The following CHD8 variants were observed in gnomAD, a reference collection of about 807,000 sequenced individuals.
CHD8 encodes the protein ATP-dependent chromatin remodeler CHD8.
In CHD8, 31 loss-of-function variants were observed where a neutral mutation model predicts 279.2. That is an observed-to-expected ratio of 0.11 (90% CI 0.08 to 0.15). The LOEUF (loss-of-function observed/expected upper bound fraction) is 0.15. Ranked by LOEUF, CHD8 falls within the 10% of genes least tolerant of loss-of-function variation. The pLI is 1.00. For missense variants in CHD8, 2,146 were observed against 3,230.5 expected (o/e 0.66, Z 8.14); for synonymous variants, 1,081 against 1,139.6 (o/e 0.95, Z 1.04).
chr14:21,400,398 A>G lies in CHD8; in HGVS notation c.4570+15T>C. On this transcript the variant is annotated intron_variant, in intron 23 of 37. Transcript: ENST00000646647. This position sits in a 1 kb window ranked among gnomAD's most constrained non-coding sequence, Gnocchi z 4.2. ...TAACCTATAGAAAAACATAAAGTAA[A>G]GAGTTGATAATTACCTGAATGATTC... 6.3e-7 allele frequency: 1 copy of G among 1,598,640 alleles called. No homozygotes were observed.
rs767254646 is a variant in CHD8, at chr14:21,394,391, A to C, written c.5485T>G (p.Phe1829Val). The part of the protein sequence containing the change: ...PDTMQFHWDR[F>V]RTFARLDKKT... ...TTGTCTAGTCGAGCAAAAGTGCGGA[A>C]GCGATCCCAATGGAACTGCATGGTG... is the stretch of plus-strand genomic sequence containing the variant. The change falls in exon 31 of 38, where the codon TTC becomes GTC. Residue 1829 changes from phenylalanine to valine, a missense_variant. Physicochemically the swap from Phe to Val is conservative, Grantham distance 50. Transcript: ENST00000646647. 7.4e-6 allele frequency: 12 copies of C among 1,613,972 alleles called. No homozygotes were observed. Among genetic ancestry groups the C allele is most frequent in the Non-Finnish European group, 1.0e-5 (12 of 1,179,868 alleles).
chr14:21,386,042 C>A lies in CHD8; in HGVS notation c.7317G>T (p.Gly2439=). The change falls in exon 38 of 38, where the codon GGG becomes GGT. Residue 2439 remains glycine, a synonymous_variant. Transcript: ENST00000646647. Reference sequence around the variant, plus strand: ...GGAACGTGTTATGCAGAGATAGAGACCCAGTGCTTCCACCCTGCATGAGGG... The same window carrying A: ...GGAACGTGTTATGCAGAGATAGAGAACCAGTGCTTCCACCCTGCATGAGGG... The part of the protein sequence containing the change: ...MMALMQGGST[G]SLSLHNTFQH... 1 of 1,595,110 alleles carries A rather than the reference C, an allele frequency of 6.3e-7. No homozygotes were observed. The highest frequency in any genetic ancestry group is 8.5e-7 in the Non-Finnish European group (1 of 1,170,518).
intron 1 of CHD8, chr14:21,455,044 G>T (rs1890351609): frequency 6.6e-6 from 1 of 152,244 alleles, no homozygotes; most frequent in Non-Finnish European, 1.5e-5. Context: ...GAAAAGCATG[G>T]AGATGAAACG....
intron 5 of CHD8, among the ~76,000 whole-genome samples, chr14:21,417,794 C>A (rs949906236): frequency 6.8e-6 from 1 of 147,430 alleles, no homozygotes; most frequent in Non-Finnish European, 1.5e-5. Context: ...GTGGAGCTTG[C>A]AGTGAGCCGA....
rs1888084099 is a variant in CHD8, at chr14:21,402,568, C to T, written c.3715-65G>A. On this transcript the variant is annotated intron_variant, in intron 18 of 37. Coordinates refer to ENST00000646647, the MANE Select transcript of CHD8 (RefSeq NM_001170629.2). The surrounding 1 kb of genome is among the most constrained non-coding windows in gnomAD (Gnocchi z 4.5). ...CATAAAATTAGCAAGGGAAAGGATA[C>T]AAAATACCAATTTATGATTCTTTCA... 9 of 1,417,158 alleles carry T rather than the reference C, an allele frequency of 6.4e-6. No individual in the cohort carries two copies. Among genetic ancestry groups the T allele is most frequent in the Non-Finnish European group, 8.5e-6 (9 of 1,055,644 alleles). The allele number at this position is 1,417,158 out of a possible 1,614,324, so 87.8% of individuals were successfully genotyped here. A position where few individuals can be genotyped will look rare whatever the true frequency, so the allele number is the denominator to read the frequency against.
At chr14:21,397,741 AG>A in intron 27 of CHD8, 81 bp downstream of exon 27, 1 of 1,404,148 alleles carries the variant, frequency 7.1e-7, no homozygotes, top group Non-Finnish European at 9.8e-7. Context: ...ATTACAATTA[AG>A]AATCCCATTG....
In CHD8 at chr14:21,408,597, T is replaced by C. The variant is rs368181125; in HGVS notation, c.2487-42A>G. On this transcript the variant is annotated intron_variant, in intron 12 of 37. Coordinates refer to ENST00000646647, the MANE Select transcript of CHD8 (RefSeq NM_001170629.2). This position sits in a 1 kb window ranked among gnomAD's most constrained non-coding sequence, Gnocchi z 4.3. ...GGAAAAAAAAAATGTTAAAAGATAC[T>C]ATCTTTAAAAAAAATAGAGTATGTA... The C allele has an allele frequency of 5.7e-6, 9 of 1,577,340 alleles. No homozygotes were observed. The African/African-American group carries it at 1.1e-4, about 20-fold the overall frequency.
rs924968755 is a variant in CHD8, at chr14:21,420,732, C to T, written c.1717-4825G>A. Among the ~76,000 whole-genome samples the T allele has an allele frequency of 4.6e-5, 7 of 151,714 alleles. No individual in the cohort carries two copies. The South Asian group carries it at 1.5e-3, about 31-fold the overall frequency. ...AGAAGGGTATACAAGAAATTGGTAA[C>T]AGAGGCTACCTGTTGTAATTTTTCT... On this transcript the variant is annotated intron_variant, in intron 5 of 37. Transcript: ENST00000646647.
rs200056646 is a variant in CHD8 at position 21,415,802 on chromosome 14, T to C, written c.1822A>G (p.Ile608Val). ...TCAGGGAGGATAGGCTCAGGTTTTA[T>C]TGGACCAGTTACATCCACCTCTTCT... ...EEEEVDVTGP[I>V]KPEPILPEPV... is the part of the protein sequence containing the mutation. The change falls in exon 6 of 38, where the codon ATA (isoleucine) becomes GTA (valine). Residue 608 changes from isoleucine to valine, a missense_variant. By Grantham distance (29) the Ile-to-Val change is conservative. This residue lies in a region of CHD8 where 123 missense variants were observed against 169.2 expected (regional missense o/e 0.73). Transcript: ENST00000646647. The C allele has an allele frequency of 6.7e-4, 1,078 of 1,613,998 alleles. 5 individuals carry two copies. In the African/African-American group the frequency reaches 0.012, roughly 18 times the overall value.
chr14:21,450,627 C>T (rs1187799941), intron 1 of CHD8, among the ~76,000 whole-genome samples: 2 of 150,860 alleles, frequency 1.3e-5, no homozygotes, highest in Non-Finnish European at 2.9e-5. Context: ...GCACTCCAGC[C>T]TACATAACAA....
At chr14:21,395,229 A>G (rs1887724629) in intron 29 of CHD8, 69 bp downstream of exon 29, 2 of 1,530,920 alleles carry the variant, frequency 1.3e-6, no homozygotes, top group Non-Finnish European at 1.8e-6. Flanking sequence ...AGGATAGGAC[A>G]GAATTCAGTG....
At chr14:21,393,019 C>G in intron 33 of CHD8, 87 bp downstream of exon 33, 3 of 1,430,696 alleles carry the variant, frequency 2.1e-6, no homozygotes, top group Non-Finnish European at 2.8e-6. Context: ...TTTTAAAAAT[C>G]CAGAACCATA....
Position 21,431,053 on chromosome 14 carries a change from A to C in CHD8, c.591T>G (p.Gly197=). Residue 197 remains glycine, a synonymous_variant, in exon 2 of 38, where the codon GGT becomes GGG. Transcript: ENST00000646647. ...GCACTTTGGTAAAAGTGACTTTTCC[A>C]CCATTGGCTGTGCCTGCCACCAGGG... ...AQPLVAGTAN[G]GKVTFTKVLT... 2 of 1,599,228 alleles carry C rather than the reference A, an allele frequency of 1.3e-6. No individual in the cohort carries two copies. The highest frequency in any genetic ancestry group is 1.7e-6 in the Non-Finnish European group (2 of 1,179,686).
intron 5 of CHD8, among the ~76,000 whole-genome samples, chr14:21,423,838 T>C (rs966804279): frequency 6.6e-6 from 1 of 152,190 alleles, no homozygotes; most frequent in African/African-American, 2.4e-5. Context: ...CCCTATTTGG[T>C]AAGTACTATT....
At position 21,385,655 on chromosome 14, in the gene CHD8, C is replaced by T; in HGVS notation, c.7704G>A (p.Met2568Ile). The T allele has an allele frequency of 6.4e-7, 1 of 1,551,930 alleles. No homozygotes were observed. The highest frequency in any genetic ancestry group is 8.7e-7 in the Non-Finnish European group (1 of 1,147,048). ...ERDFSLIDDP[M>I]MPANSDSSED... The stretch of plus-strand genomic sequence containing the variant: ...CACTGGAGTCTGAGTTAGCTGGCAT[C>T]ATAGGATCATCAATGAGTGAGAAGT... The change falls in exon 38 of 38, where the codon ATG (methionine) becomes ATA (isoleucine). Residue 2568 changes from methionine to isoleucine, a missense_variant. Coordinates refer to ENST00000646647, the MANE Select transcript of CHD8 (RefSeq NM_001170629.2).
At chr14:21,449,921 TAAAACAGGCGAAAGCACTA>T (rs1890217926) in intron 1 of CHD8, among the ~76,000 whole-genome samples, 1 of 152,208 alleles carries the variant, frequency 6.6e-6, no homozygotes, top group South Asian at 2.1e-4. Flanking sequence ...GTCATATTTG[TAAAACAGGCGAAAGCACTA>T]AATTTTATAG....
chr14:21,415,858 A>G lies in CHD8; in HGVS notation c.1766T>C (p.Leu589Pro). The G allele has an allele frequency of 6.2e-7, 1 of 1,613,992 alleles. No homozygotes were observed. Among genetic ancestry groups the G allele is most frequent in the Non-Finnish European group, 8.5e-7 (1 of 1,179,868 alleles). Residue 589 changes from leucine (L) to proline (P), a missense_variant, in exon 6 of 38, where the codon CTG becomes CCG. Around this residue, in one of 26 missense-constraint regions of CHD8, gnomAD observed 123 missense variants for 169.2 expected, o/e 0.73. Transcript: ENST00000646647. ...TTCATCATCTGTGATCTTTATATCC[A>G]GGTCCTCTGTATATTTTTTTCGCTT... ...QVKRKKYTED[L>P]DIKITDDEEE...
At chr14:21,404,168 C>A (rs926000951) in intron 16 of CHD8, among the ~76,000 whole-genome samples, 6 of 151,514 alleles carry the variant, frequency 4.0e-5, no homozygotes, top group African/African-American at 1.5e-4. Flanking sequence ...GAGACCGAAG[C>A]GGGCAGATCA....
chr14:21,395,801 A>G lies in CHD8; in HGVS notation c.5127+16T>C, dbSNP rs988772828. 8 of 1,509,618 alleles carry G rather than the reference A, an allele frequency of 5.3e-6. No individual in the cohort carries two copies. Among genetic ancestry groups the G allele is most frequent in the Non-Finnish European group, 6.4e-6 (7 of 1,093,800 alleles). 93.5% of individuals were successfully genotyped at this position (1,509,618 alleles called of 1,614,324 possible). A position where few individuals can be genotyped will look rare whatever the true frequency, so the allele number is the denominator to read the frequency against. ...TAGTAATAGAGAAAAGTGAGACTCA[A>G]ATGAGAATTCCTTACCTCATCATCT... On this transcript the variant is annotated intron_variant, in intron 28 of 37. Transcript: ENST00000646647.
Sources: gnomAD v4.1 joint callset for allele counts (sites outside exome capture counted in the v4.1 genomes callset) on GRCh38, gnomAD v4.1.1 for gene constraint, gnomAD v4.1.1 regional missense constraint, Gnocchi (gnomAD v3.1) non-coding constraint, MANE v1.5 for transcripts, NCBI Gene and HGNC (gene_info 2026-07-23, HGNC 2026-07-21) for gene names.